SMARCC1: variants seen among roughly 807,000 people sequenced by gnomAD.
SMARCC1 encodes SWI/SNF related BAF chromatin remodeling complex subunit C1, also known as SWI/SNF complex subunit SMARCC1.
A neutral mutation model predicts 147.4 loss-of-function variants in SMARCC1; 43 were observed. The observed-to-expected ratio is 0.29, with a 90% CI of 0.23 to 0.38. The LOEUF (loss-of-function observed/expected upper bound fraction) is 0.38, where lower values mean the gene tolerates loss of function less well. SMARCC1 is among the 10% of genes least tolerant of loss of function. The probability of loss-of-function intolerance (pLI) is 1.00; values close to 1 mark genes in which losing one functional copy is unlikely to be tolerated. For synonymous variants in SMARCC1, 495 were observed against 484.4 expected (o/e 1.02, Z -0.29); for missense variants, 1,119 against 1,381.1 (o/e 0.81, Z 3.01).
chr3:47,615,289 T>C (rs1323446032), intron 25 of SMARCC1, among the ~76,000 whole-genome samples: 1 of 152,238 alleles, frequency 6.6e-6, no homozygotes, highest in Non-Finnish European at 1.5e-5. Flanking sequence ...TCTACCACTG[T>C]ATCCTCAGTA....
At chr3:47,670,221 T>C (rs1174516682) in intron 19 of SMARCC1, 1 of 158,806 alleles carries the variant, frequency 6.3e-6, no homozygotes, top group Middle Eastern at 3.1e-3. Flanking sequence ...ATGGCTGTTC[T>C]AAAGGAAAAC....
chr3:47,717,773 C>T (rs938307994), intron 7 of SMARCC1, among the ~76,000 whole-genome samples: 1 of 151,908 alleles, frequency 6.6e-6, no homozygotes, highest in Non-Finnish European at 1.5e-5. Context: ...CACCACGTTG[C>T]CCAAGGTGGT....
intron 2 of SMARCC1, among the ~76,000 whole-genome samples, chr3:47,750,127 G>A (rs922586846): frequency 6.6e-6 from 1 of 151,444 alleles, no homozygotes; most frequent in African/African-American, 2.4e-5. Flanking sequence ...ATTCTGTAGT[G>A]CTGACATCTT....
At chr3:47,651,068 G>A (rs922829948) in intron 21 of SMARCC1, among the ~76,000 whole-genome samples, 12 of 152,120 alleles carry the variant, frequency 7.9e-5, no homozygotes, top group Non-Finnish European at 1.2e-4. Context: ...TCTTTGGGAC[G>A]CTAAGGCAGG....
Position 47,714,191 on chromosome 3 carries a change from C to T in SMARCC1, c.792+224G>A, listed in dbSNP as rs1001189317. ...CCAGCCTGACCAATCCAGTAAAACT[C>T]CGTCTCTACTAAAAATACAAAAATT... On this transcript the variant is annotated intron_variant, in intron 8 of 27. Transcript: ENST00000254480. Among the ~76,000 whole-genome samples, 3 of 152,296 alleles carry T rather than the reference C, an allele frequency of 2.0e-5. No individual in the cohort carries two copies. In the East Asian group the frequency reaches 5.8e-4, roughly 29 times the overall value.
Position 47,639,516 on chromosome 3 carries a change from A to G in SMARCC1, c.2321-736T>C, listed in dbSNP as rs370776182. Among the ~76,000 whole-genome samples, 108 of 152,304 alleles carry G rather than the reference A, an allele frequency of 7.1e-4. 1 individual carries two copies. Among genetic ancestry groups the G allele is most frequent in the African/African-American group, 2.5e-3 (104 of 41,566 alleles). ...ATCACAAGGTCAGGAGTTCGAGACC[A>G]GCCTGGCCAACTTGGTGAAACCCTG... On this transcript the variant is annotated intron_variant, in intron 21 of 27. Transcript: ENST00000254480.
intron 21 of SMARCC1, among the ~76,000 whole-genome samples, chr3:47,644,633 G>A (rs1285232219): frequency 1.3e-5 from 2 of 152,028 alleles, no homozygotes; most frequent in African/African-American, 2.4e-5. Flanking sequence ...TCAGCCTCCT[G>A]AGTAGCTGGG....
At chr3:47,775,068 A>G (rs2034958254) in intron 1 of SMARCC1, among the ~76,000 whole-genome samples, 1 of 152,070 alleles carries the variant, frequency 6.6e-6, no homozygotes, top group African/African-American at 2.4e-5. Context: ...CCTCCCAAAA[A>G]GTACTGGGAT....
At chr3:47,659,390 A>T (rs1482360365) in intron 21 of SMARCC1, among the ~76,000 whole-genome samples, 1 of 151,932 alleles carries the variant, frequency 6.6e-6, no homozygotes, top group East Asian at 1.9e-4. Context: ...AAAACTATAA[A>T]CAATATATGA....
In SMARCC1 at chr3:47,610,051, G is replaced by C; in HGVS notation, c.3043+15C>G. ...TGACCATAAGCTTTTTCCAAGAGCA[G>C]GGCCTTCCTCTTACCTGGCTGGGGT... On this transcript the variant is annotated intron_variant, in intron 26 of 27. Transcript: ENST00000254480. The C allele has an allele frequency of 6.2e-7, 1 of 1,611,238 alleles. No homozygotes were observed.
At chr3:47,638,309 G>A (rs997686249) in intron 22 of SMARCC1, among the ~76,000 whole-genome samples, 11 of 152,062 alleles carry the variant, frequency 7.2e-5, no homozygotes, top group African/African-American at 2.4e-4. Context: ...TAGCCAGGAC[G>A]GTCTCGATCT....
chr3:47,764,994 G>C (rs1008259881), intron 2 of SMARCC1, among the ~76,000 whole-genome samples: 1 of 152,214 alleles, frequency 6.6e-6, no homozygotes, highest in Non-Finnish European at 1.5e-5. Context: ...GCTCACGCCT[G>C]TAATCCCAGC....
chr3:47,647,175 T>G (rs912469023), intron 21 of SMARCC1, among the ~76,000 whole-genome samples: 1 of 152,204 alleles, frequency 6.6e-6, no homozygotes, highest in African/African-American at 2.4e-5. Context: ...TCCTCAGTCT[T>G]GATTTATATT....
chr3:47,632,180 G>T (rs2032900551), intron 24 of SMARCC1, among the ~76,000 whole-genome samples: 1 of 152,154 alleles, frequency 6.6e-6, no homozygotes, highest in African/African-American at 2.4e-5. Flanking sequence ...CTGCAGTGAA[G>T]GAGTCAAGCT....
intron 21 of SMARCC1, among the ~76,000 whole-genome samples, chr3:47,655,967 C>T (rs757765627): frequency 5.3e-5 from 8 of 152,062 alleles, no homozygotes; most frequent in Non-Finnish European, 1.2e-4. Flanking sequence ...AATCCCAGCA[C>T]TTTGGGAGGC....
At chr3:47,637,780 A>G (rs1444576742) in intron 22 of SMARCC1, among the ~76,000 whole-genome samples, 3 of 151,624 alleles carry the variant, frequency 2.0e-5, no homozygotes, top group Non-Finnish European at 4.4e-5. Context: ...CTCACCCATC[A>G]TGCATTTACA....
chr3:47,602,141 T>C (rs908944019), intron 26 of SMARCC1, among the ~76,000 whole-genome samples: 1 of 152,096 alleles, frequency 6.6e-6, no homozygotes, highest in Non-Finnish European at 1.5e-5. Flanking sequence ...AAAAGCCAAC[T>C]GTAGCTGGGT....
intron 19 of SMARCC1, chr3:47,664,050 G>A (rs1352191484): frequency 3.5e-6 from 2 of 565,670 alleles, no homozygotes; most frequent in African/African-American, 1.9e-5. Context: ...TGCGTCGTTG[G>A]GGGAGGAAGT....
At chr3:47,708,074 A>ATTT (rs1323957181) in intron 9 of SMARCC1, among the ~76,000 whole-genome samples, 3 of 41,618 alleles carry the variant, frequency 7.2e-5, no homozygotes, top group African/African-American at 2.2e-4. Flanking sequence ...CTGAAGTTGA[A>ATTT]TTTTTTTTCT....
Sources: allele counts gnomAD v4.1 joint callset (sites outside exome capture counted in the v4.1 genomes callset), GRCh38; gene constraint gnomAD v4.1.1; transcripts MANE v1.5; gene names NCBI Gene and HGNC (gene_info 2026-07-23, HGNC 2026-07-21).